Variants in CPQ observed in about 807,000 individuals in gnomAD.
CPQ encodes carboxypeptidase Q.
In CPQ, 37 loss-of-function variants were observed where a neutral mutation model predicts 45.7. The ratio of observed to expected loss-of-function variants is 0.81; its 90% CI spans 0.62 to 1.07. CPQ has a LOEUF of 1.07. Among genes scored for constraint, CPQ ranks in the 50% least tolerant of loss-of-function variants. The pLI, the probability that CPQ is intolerant of heterozygous loss-of-function variation, is 0.00. For missense variants in CPQ, 537 were observed against 572.9 expected (o/e 0.94, Z 0.64); for synonymous variants, 186 against 205.8 (o/e 0.90, Z 0.82).
chr8:96,715,353 A>G (rs767046825), intron 1 of CPQ, among the ~76,000 whole-genome samples: 7 of 152,194 alleles, frequency 4.6e-5, no homozygotes, highest in African/African-American at 1.7e-4. Context: ...CCAGTGTTCT[A>G]GCTATTCACA....
Position 97,123,148 on chromosome 8 carries a change from TAAATAAAATAAAATAAAATAAAATAA to T in CPQ, c.1256-19869_1256-19844del, listed in dbSNP as rs1811773624. Among the ~76,000 whole-genome samples, 4 of 20,622 alleles carry T rather than the reference TAAATAAAATAAAATAAAATAAAATAA, an allele frequency of 1.9e-4. 1 individual carries two copies. Among genetic ancestry groups the T allele is most frequent in the African/African-American group, 1.0e-3 (4 of 4,004 alleles). 13.5% of individuals were successfully genotyped at this position (20,622 alleles called of 152,430 possible). ...ATAAATAAAATAAAATAAAATAAAA[TAAATAAAATAAAATAAAATAAAATAA>T]AATATAAAATAAAATAAAATAAAAT... On this transcript the variant is annotated intron_variant, in intron 7 of 7. Transcript: ENST00000220763.
intron 3 of CPQ, among the ~76,000 whole-genome samples, chr8:96,872,877 CTTTTCTT>C (rs1375106002): frequency 6.6e-6 from 1 of 151,792 alleles, no homozygotes; most frequent in African/African-American, 2.4e-5. Flanking sequence ...GCTATTTTAA[CTTTTCTT>C]TTATCTTTAT....
intron 1 of CPQ, among the ~76,000 whole-genome samples, chr8:96,737,339 C>T (rs1809998540): frequency 1.3e-5 from 1 of 75,656 alleles, no homozygotes; most frequent in Non-Finnish European, 3.0e-5. Context: ...CACACACTCA[C>T]ACAGAACTAA....
At chr8:97,132,036 C>T (rs1811967422) in intron 7 of CPQ, among the ~76,000 whole-genome samples, 1 of 152,088 alleles carries the variant, frequency 6.6e-6, no homozygotes, top group East Asian at 1.9e-4. Context: ...TAAAATATCC[C>T]CTTTTTCTTG....
intron 1 of CPQ, among the ~76,000 whole-genome samples, chr8:96,773,041 A>T (rs750049932): frequency 6.6e-6 from 1 of 152,224 alleles, no homozygotes; most frequent in Admixed American, 6.5e-5. Context: ...AGGAACAGCC[A>T]GGACCAGGTC....
chr8:96,927,819 C>A (rs1812913580), intron 4 of CPQ, among the ~76,000 whole-genome samples: 1 of 152,022 alleles, frequency 6.6e-6, no homozygotes, highest in East Asian at 1.9e-4. Flanking sequence ...CCTTTTTTTG[C>A]CTGCTTAGAT....
intron 4 of CPQ, among the ~76,000 whole-genome samples, chr8:96,906,630 G>T (rs929625393): frequency 1.3e-5 from 2 of 152,186 alleles, no homozygotes; most frequent in Non-Finnish European, 1.5e-5. Context: ...AGACCAAGGA[G>T]CTAGCTGACT....
chr8:96,682,853 C>A (rs1378334442), intron 1 of CPQ, among the ~76,000 whole-genome samples: 1 of 152,088 alleles, frequency 6.6e-6, no homozygotes. Context: ...AGATGAGTTT[C>A]TTGGAGACAG....
At chr8:96,889,141 T>G (rs1047032826) in intron 4 of CPQ, among the ~76,000 whole-genome samples, 7 of 152,218 alleles carry the variant, frequency 4.6e-5, no homozygotes, top group Non-Finnish European at 8.8e-5. Flanking sequence ...GCCAGGGCTT[T>G]GTCCTGTAGG....
rs1361629584 is a variant in CPQ, at chr8:97,123,043, T to TAAAATAAATA, written c.1256-19974_1256-19973insATAAATAAAA. Among the ~76,000 whole-genome samples, 3 of 16,738 alleles carry TAAAATAAATA rather than the reference T, an allele frequency of 1.8e-4. 1 individual carries two copies. Among genetic ancestry groups the TAAAATAAATA allele is most frequent in the Non-Finnish European group, 3.3e-4 (3 of 9,126 alleles). The allele number at this position is 16,738 out of a possible 152,430, so 11.0% of individuals were successfully genotyped here. On this transcript the variant is annotated intron_variant, in intron 7 of 7. Transcript: ENST00000220763. ...ATAAAATAAATAAAATAAAATAAAATAAATAAAATAAAATAAAATAAAAAA... is the reference window on the plus strand; with the variant it reads ...ATAAAATAAATAAAATAAAATAAAATAAAATAAATAAAATAAAATAAAATAAAATAAAAAA...
chr8:96,998,474 CAAG>C (rs1268127924), intron 5 of CPQ, among the ~76,000 whole-genome samples: 3 of 151,584 alleles, frequency 2.0e-5, no homozygotes, highest in East Asian at 3.9e-4. Context: ...TTTTGTAATG[CAAG>C]AAGTTCTATT....
chr8:96,706,796 C>T (rs61430909), intron 1 of CPQ, among the ~76,000 whole-genome samples: 3,667 of 152,178 alleles, frequency 0.024, 162 homozygotes, highest in African/African-American at 0.083. Context: ...TCATTACTTA[C>T]GTCTTTCCAC....
intron 2 of CPQ, among the ~76,000 whole-genome samples, chr8:96,832,649 C>G (rs985485540): frequency 6.6e-6 from 1 of 152,096 alleles, no homozygotes. Flanking sequence ...AGACAAGAGG[C>G]CAGGGAATGC....
chr8:96,746,638 C>G (rs555215740), intron 1 of CPQ, among the ~76,000 whole-genome samples: 2 of 152,344 alleles, frequency 1.3e-5, no homozygotes, highest in Non-Finnish European at 2.9e-5. Flanking sequence ...ACCTGTGCCT[C>G]TCCCTGCACT....
intron 1 of CPQ, among the ~76,000 whole-genome samples, chr8:96,759,440 T>C (rs957210820): frequency 6.6e-6 from 1 of 152,172 alleles, no homozygotes; most frequent in Non-Finnish European, 1.5e-5. Flanking sequence ...TTATTATATA[T>C]ATTTTTGTAC....
intron 2 of CPQ, among the ~76,000 whole-genome samples, chr8:96,785,562 A>G (rs1810757368): frequency 6.6e-6 from 1 of 152,160 alleles, no homozygotes; most frequent in African/African-American, 2.4e-5. Flanking sequence ...CTACTGGTCC[A>G]TGATACTTAC....
At chr8:97,040,711 G>C (rs1329377999) in intron 6 of CPQ, among the ~76,000 whole-genome samples, 1 of 151,878 alleles carries the variant, frequency 6.6e-6, no homozygotes, top group Non-Finnish European at 1.5e-5. Flanking sequence ...TGGCTAGCCA[G>C]TTTTCCCAGC....
chr8:96,973,049 C>T (rs1280199611), intron 5 of CPQ, among the ~76,000 whole-genome samples: 1 of 151,968 alleles, frequency 6.6e-6, no homozygotes, highest in African/African-American at 2.4e-5. Flanking sequence ...TCCAAATTGC[C>T]AGAAATAGAA....
intron 5 of CPQ, among the ~76,000 whole-genome samples, chr8:97,001,721 C>CTTTTTTTTTTTTTT (rs61282246): frequency 2.2e-3 from 201 of 92,062 alleles, no homozygotes; most frequent in African/African-American, 3.0e-3. Context: ...TTCTTTCTTT[C>CTTTTTTTTTTTTTT]TTTTTTTTTT....
Sources: allele counts gnomAD v4.1 joint callset (sites outside exome capture counted in the v4.1 genomes callset), GRCh38; gene constraint gnomAD v4.1.1; transcripts MANE v1.5; gene names NCBI Gene and HGNC (gene_info 2026-07-23, HGNC 2026-07-21).